MND1: variants seen among roughly 807,000 people sequenced by gnomAD.
MND1 encodes meiotic nuclear division protein 1 homolog.
In MND1, 28 loss-of-function variants were observed where a neutral mutation model predicts 35.1. The observed-to-expected ratio is 0.80, with a 90% CI of 0.59 to 1.09. The LOEUF (loss-of-function observed/expected upper bound fraction) is 1.09, where lower values mean the gene tolerates loss of function less well. Among genes scored for constraint, MND1 ranks in the 50% least tolerant of loss-of-function variants. The probability of loss-of-function intolerance (pLI) is 0.00; values close to 1 mark genes in which losing one functional copy is unlikely to be tolerated. For missense variants in MND1, 213 were observed against 239.6 expected, an observed-to-expected ratio of 0.89 and a Z score of 0.73; for synonymous variants, 69 against 70.5, an observed-to-expected ratio of 0.98 and a Z score of 0.11.
At chr4:153,361,943 A>G (rs1288638245) in intron 4 of MND1, among the ~76,000 whole-genome samples, 2 of 151,890 alleles carry the variant, frequency 1.3e-5, no homozygotes, top group Admixed American at 6.6e-5. Flanking sequence ...TCCTCATTCT[A>G]TCGTCTATGT....
At chr4:153,404,676 GC>G (rs1729444669) in intron 6 of MND1, among the ~76,000 whole-genome samples, 10 of 150,122 alleles carry the variant, frequency 6.7e-5, no homozygotes, top group Non-Finnish European at 1.3e-4. Flanking sequence ...ACGGGGTTTC[GC>G]CATGTTGGCC....
At chr4:153,379,486 T>A (rs986598743) in intron 4 of MND1, among the ~76,000 whole-genome samples, 1 of 151,858 alleles carries the variant, frequency 6.6e-6, no homozygotes, top group African/African-American at 2.4e-5. Flanking sequence ...GAGGATGGCT[T>A]AAGTCCAGGA....
chr4:153,361,674 A>C, intron 4 of MND1: 1 of 382,380 alleles, frequency 2.6e-6, no homozygotes, highest in Non-Finnish European at 5.1e-6. Context: ...CCTGTCCACT[A>C]AAAATACAAA....
intron 4 of MND1, among the ~76,000 whole-genome samples, chr4:153,390,694 A>C (rs1304122696): frequency 6.6e-6 from 1 of 152,036 alleles, no homozygotes; most frequent in Non-Finnish European, 1.5e-5. Flanking sequence ...AAAAAAATAC[A>C]AAAATTAGCC....
chr4:153,414,697 G>T, intron 7 of MND1, 54 bp from the exon 8 acceptor site: 1 of 735,726 alleles, frequency 1.4e-6, no homozygotes. Flanking sequence ...AATTATACTT[G>T]AAATGTTTTA....
chr4:153,373,917 G>A (rs1319255434), intron 4 of MND1, among the ~76,000 whole-genome samples: 2 of 152,184 alleles, frequency 1.3e-5, no homozygotes, highest in Non-Finnish European at 2.9e-5. Flanking sequence ...ATCACCCTGT[G>A]CCCCTCAGCC....
At chr4:153,404,482 G>A (rs1307840947) in intron 6 of MND1, among the ~76,000 whole-genome samples, 1 of 145,782 alleles carries the variant, frequency 6.9e-6, no homozygotes, top group Admixed American at 7.0e-5. Flanking sequence ...GAGCCACTGT[G>A]CACGGCCTTT....
rs759979987 is a variant in MND1 at position 153,394,242 on chromosome 4, A to G, written c.277-20A>G. 9.3e-6 allele frequency: 15 copies of G among 1,607,694 alleles called. No homozygotes were observed. Among genetic ancestry groups the G allele is most frequent in the Admixed American group, 1.7e-5 (1 of 59,744 alleles). On this transcript the variant is annotated intron_variant, in intron 4 of 7. Transcript: ENST00000240488. ...TCAGTTTATCTTAGCAAGCTGTTTT[A>G]TTTGTTTTTGATTCTCTAGTTGTCT... is the stretch of plus-strand genomic sequence containing the variant.
At chr4:153,390,353 A>G (rs954613142) in intron 4 of MND1, among the ~76,000 whole-genome samples, 52 of 152,222 alleles carry the variant, frequency 3.4e-4, no homozygotes, top group African/African-American at 1.2e-3. Context: ...CTTTAATAAC[A>G]TCATTTGGAT....
intron 7 of MND1, among the ~76,000 whole-genome samples, chr4:153,409,550 G>A (rs1456269906): frequency 6.6e-6 from 1 of 152,080 alleles, no homozygotes; most frequent in Non-Finnish European, 1.5e-5. Context: ...GTGTCAGACA[G>A]CAGAACAGGA....
rs759221793 is a variant in MND1, at chr4:153,355,632, T to C, written c.70-22T>C. ...AGAAAATAAACACGTGCTTTTCATT[T>C]TCTTTAAAACCCTTTAAACAGAAAG... On this transcript the variant is annotated intron_variant, in intron 2 of 7. Coordinates refer to ENST00000240488, the MANE Select transcript of MND1 (RefSeq NM_032117.4). 6.0e-6 allele frequency: 9 copies of C among 1,506,220 alleles called. No individual in the cohort carries two copies. The East Asian group carries it at 1.8e-4, about 30-fold the overall frequency. The allele number at this position is 1,506,220 out of a possible 1,614,324, so 93.3% of individuals were successfully genotyped here.
chr4:153,344,775 C>T, intron 1 of MND1, 35 bp downstream of exon 1: 1 of 1,597,920 alleles, frequency 6.3e-7, no homozygotes, highest in Non-Finnish European at 8.5e-7. Context: ...CGTCTTCTTC[C>T]TCCCTAGTGT....
intron 4 of MND1, among the ~76,000 whole-genome samples, chr4:153,391,500 T>C (rs1054430612): frequency 4.0e-5 from 6 of 151,808 alleles, no homozygotes; most frequent in Admixed American, 6.6e-5. Flanking sequence ...CTGAGGTGGG[T>C]GGATTGCTTG....
intron 6 of MND1, among the ~76,000 whole-genome samples, chr4:153,404,454 G>C (rs996632153): frequency 4.0e-5 from 6 of 149,558 alleles, no homozygotes; most frequent in African/African-American, 1.5e-4. Flanking sequence ...GCCTCGCAAA[G>C]TTTGCGATTA....
chr4:153,394,898 TAA>T (rs1372219753), intron 5 of MND1, among the ~76,000 whole-genome samples: 1 of 152,206 alleles, frequency 6.6e-6, no homozygotes, highest in Non-Finnish European at 1.5e-5. Flanking sequence ...TTAGAGATTT[TAA>T]AAGTCATTTC....
At position 153,394,152 on chromosome 4, in the gene MND1, T is replaced by G. The variant is rs1003390658; in HGVS notation, c.277-110T>G. 5.9e-6 allele frequency: 5 copies of G among 841,696 alleles called. No homozygotes were observed. In the African/African-American group the frequency reaches 8.7e-5, roughly 15 times the overall value. The allele number at this position is 841,696 out of a possible 1,614,324, so 52.1% of individuals were successfully genotyped here. On this transcript the variant is annotated intron_variant, in intron 4 of 7. Coordinates refer to ENST00000240488, the MANE Select transcript of MND1 (RefSeq NM_032117.4). ...ACCTTGTGATCTGCCTGCCTCGGCC[T>G]GGGGCGAGTGCTGGGGCGTGAGCCA... is the stretch of plus-strand genomic sequence containing the variant.
intron 4 of MND1, among the ~76,000 whole-genome samples, chr4:153,359,111 C>G (rs1266705285): frequency 3.9e-4 from 59 of 152,282 alleles, no homozygotes; most frequent in Non-Finnish European, 1.5e-5. Context: ...TGAGTTTTGA[C>G]AAATGCATGA....
intron 4 of MND1, chr4:153,363,072 A>G (rs1339646196): frequency 2.1e-6 from 2 of 936,990 alleles, no homozygotes; most frequent in South Asian, 9.8e-5. Flanking sequence ...ACTTTGAGCT[A>G]TATGCTGGAG....
At chr4:153,345,514 C>T (rs1234956358) in intron 1 of MND1, 2 of 985,350 alleles carry the variant, frequency 2.0e-6, no homozygotes, top group South Asian at 4.7e-5. Flanking sequence ...CTGGTAAGAT[C>T]GGCTTTGTGA....
Sources: allele counts gnomAD v4.1 joint callset (sites outside exome capture counted in the v4.1 genomes callset), GRCh38; gene constraint gnomAD v4.1.1; transcripts MANE v1.5; gene names NCBI Gene and HGNC (gene_info 2026-07-23, HGNC 2026-07-21).